Variants in CRIM1 observed in about 807,000 individuals in gnomAD.
The protein encoded by CRIM1 is cysteine-rich motor neuron 1 protein.
Under a neutral mutation model 116.4 loss-of-function variants are expected in CRIM1, and 32 were observed. The ratio of observed to expected loss-of-function variants is 0.27; its 90% CI spans 0.21 to 0.37. The LOEUF (loss-of-function observed/expected upper bound fraction) is 0.37. Among genes scored for constraint, CRIM1 ranks in the 10% least tolerant of loss-of-function variants. The probability of loss-of-function intolerance (pLI) is 1.00; values close to 1 mark genes in which losing one functional copy is unlikely to be tolerated. For synonymous variants in CRIM1, 590 were observed against 509.2 expected, an observed-to-expected ratio of 1.16 and a Z score of -2.13; for missense variants, 1,331 against 1,354.8, an observed-to-expected ratio of 0.98 and a Z score of 0.28.
intron 1 of CRIM1, among the ~76,000 whole-genome samples, chr2:36,393,078 G>A (rs984746614): frequency 3.3e-5 from 5 of 152,220 alleles, no homozygotes; most frequent in African/African-American, 7.2e-5. Context: ...TGGTCTTCCT[G>A]TGGGGAGGCA....
chr2:36,441,625 C>A, intron 3 of CRIM1, 125 bp downstream of exon 3: 1 of 1,258,730 alleles, frequency 7.9e-7, no homozygotes, highest in Non-Finnish European at 1.1e-6. Context: ...TCCTGTGAAT[C>A]TGCCACTTTG....
At chr2:36,505,387 C>A (rs1473412066) in intron 8 of CRIM1, among the ~76,000 whole-genome samples, 1 of 146,362 alleles carries the variant, frequency 6.8e-6, no homozygotes, top group Non-Finnish European at 1.5e-5. Flanking sequence ...TATTTCTGGT[C>A]ACGAAAACAT....
At chr2:36,390,956 T>G (rs1233877714) in intron 1 of CRIM1, among the ~76,000 whole-genome samples, 1 of 151,372 alleles carries the variant, frequency 6.6e-6, no homozygotes, top group Non-Finnish European at 1.5e-5. Flanking sequence ...ATTACAGGCA[T>G]GCGCCACCAT....
At chr2:36,522,613 C>G (rs1407557159) in intron 13 of CRIM1, among the ~76,000 whole-genome samples, 3 of 151,768 alleles carry the variant, frequency 2.0e-5, no homozygotes, top group African/African-American at 7.3e-5. Context: ...ACCAGCCTGG[C>G]CAACATGATG....
intron 1 of CRIM1, among the ~76,000 whole-genome samples, chr2:36,385,316 A>G (rs1433656347): frequency 6.6e-6 from 1 of 152,230 alleles, no homozygotes; most frequent in Non-Finnish European, 1.5e-5. Flanking sequence ...CCTTGCAAAA[A>G]TGATTGCTAG....
intron 2 of CRIM1, among the ~76,000 whole-genome samples, chr2:36,418,622 C>G (rs951098461): frequency 3.3e-5 from 5 of 152,146 alleles, no homozygotes; most frequent in African/African-American, 1.2e-4. Context: ...CCGGGTTCCC[C>G]TTTTCTATGC....
intron 2 of CRIM1, among the ~76,000 whole-genome samples, chr2:36,397,154 C>T (rs780569982): frequency 3.9e-5 from 6 of 152,114 alleles, no homozygotes; most frequent in Non-Finnish European, 7.4e-5. Flanking sequence ...ATTAGAAATG[C>T]GGCTCATCTG....
chr2:36,417,633 A>G (rs552957337), intron 2 of CRIM1, among the ~76,000 whole-genome samples: 3 of 152,188 alleles, frequency 2.0e-5, no homozygotes, highest in South Asian at 2.1e-4. Flanking sequence ...CTTAAAAACA[A>G]TAATATGAAG....
At chr2:36,474,864 AAAG>A (rs1221696270) in intron 5 of CRIM1, among the ~76,000 whole-genome samples, 2 of 149,744 alleles carry the variant, frequency 1.3e-5, no homozygotes, top group Admixed American at 6.6e-5. Context: ...AAAAAAAAAA[AAAG>A]ACTTTGAACC....
At chr2:36,464,710 AG>A in intron 5 of CRIM1, 55 bp downstream of exon 5, 1 of 1,590,054 alleles carries the variant, frequency 6.3e-7, no homozygotes, top group Non-Finnish European at 8.6e-7. Context: ...GAGGAGGAGG[AG>A]GGAGGGTTCA....
chr2:36,455,569 G>C (rs1677074626), intron 4 of CRIM1, among the ~76,000 whole-genome samples: 1 of 152,150 alleles, frequency 6.6e-6, no homozygotes, highest in African/African-American at 2.4e-5. Flanking sequence ...GCGTTGGATA[G>C]GAGACAGAGT....
chr2:36,523,881 CTG>C, intron 13 of CRIM1, among the ~76,000 whole-genome samples: 1 of 152,154 alleles, frequency 6.6e-6, no homozygotes, highest in Middle Eastern at 3.2e-3. Flanking sequence ...CAGGGCCACT[CTG>C]AGTCTTTTAC....
At chr2:36,547,962 T>C (rs920276115) in intron 16 of CRIM1, among the ~76,000 whole-genome samples, 3 of 152,226 alleles carry the variant, frequency 2.0e-5, no homozygotes, top group African/African-American at 7.2e-5. Context: ...AACCCTTCCA[T>C]GTAAAAATTC....
intron 5 of CRIM1, among the ~76,000 whole-genome samples, 154 bp downstream of exon 5, chr2:36,464,809 G>C (rs554565372): frequency 6.6e-6 from 1 of 152,160 alleles, no homozygotes; most frequent in African/African-American, 2.4e-5. Flanking sequence ...AAGATCCACA[G>C]TGCAGTAAAG....
chr2:36,392,248 TTC>T (rs1266447887), intron 1 of CRIM1, among the ~76,000 whole-genome samples: 1 of 152,216 alleles, frequency 6.6e-6, no homozygotes, highest in Non-Finnish European at 1.5e-5. Context: ...GAAATTAGGT[TTC>T]TCTCTTTTAT....
intron 12 of CRIM1, among the ~76,000 whole-genome samples, chr2:36,518,923 G>A (rs1359783874): frequency 2.0e-5 from 3 of 152,174 alleles, no homozygotes; most frequent in African/African-American, 7.2e-5. Context: ...GGGATTCCAA[G>A]GTTAATGAAA....
rs759765011 is a variant in CRIM1 at position 36,396,750 on chromosome 2, T to A, written c.468T>A (p.Ser156Arg). The change falls in exon 2 of 17, where the codon AGT becomes AGA. Residue 156 changes from serine (S) to arginine (R), a missense_variant. Physicochemically the swap from Ser to Arg is moderately radical, Grantham distance 110. Around this residue, in one of 3 missense-constraint regions of CRIM1, gnomAD observed 690 missense variants for 676.0 expected, o/e 1.02. Coordinates refer to ENST00000280527, the MANE Select transcript of CRIM1 (RefSeq NM_016441.3). ...GCAGCAATCCCTTTGAGTTTCCAAG[T>A]CAGGATATGTGCCTTTCAGCTTTAA... ...RTCSNPFEFP[S>R]QDMCLSALKR... The A allele has an allele frequency of 9.3e-6, 15 of 1,613,508 alleles. No homozygotes were observed. Among genetic ancestry groups the A allele is most frequent in the Non-Finnish European group, 1.3e-5 (15 of 1,179,490 alleles).
intron 4 of CRIM1, among the ~76,000 whole-genome samples, chr2:36,456,992 A>G (rs1481031112): frequency 6.6e-6 from 1 of 152,192 alleles, no homozygotes; most frequent in Non-Finnish European, 1.5e-5. Flanking sequence ...CCTGCAGCTT[A>G]TACCACTTTC....
chr2:36,495,423 A>G (rs749836793), intron 7 of CRIM1, among the ~76,000 whole-genome samples: 11 of 151,436 alleles, frequency 7.3e-5, no homozygotes, highest in Non-Finnish European at 1.5e-4. Context: ...AGCAGAATGT[A>G]TATTTCACAT....
Sources: gnomAD v4.1 joint callset for allele counts (sites outside exome capture counted in the v4.1 genomes callset) on GRCh38, gnomAD v4.1.1 for gene constraint, gnomAD v4.1.1 regional missense constraint, MANE v1.5 for transcripts, NCBI Gene and HGNC (gene_info 2026-07-23, HGNC 2026-07-21) for gene names.